Variants in TAFA2 observed in about 807,000 individuals in gnomAD.
The protein encoded by TAFA2 is chemokine-like protein TAFA-2.
In TAFA2, 7 loss-of-function variants were observed where a neutral mutation model predicts 18.8. That is an observed-to-expected ratio of 0.37 (90% confidence interval 0.21 to 0.70). TAFA2 has a LOEUF of 0.70. TAFA2 is among the 30% of genes least tolerant of loss of function. TAFA2 has a pLI of 0.53. For synonymous variants in TAFA2, 60 were observed against 54.2 expected (o/e 1.11, Z -0.47); for missense variants, 122 against 158.1 (o/e 0.77, Z 1.23).
chr12:61,720,838 TGGAG>T, intron 4 of TAFA2: 1 of 495,120 alleles, frequency 2.0e-6, no homozygotes, highest in Admixed American at 2.1e-5. Context: ...TTTTTGAGTG[TGGAG>T]AAATCAAAAA....
At chr12:61,758,976 G>C (rs115910366) in intron 2 of TAFA2, among the ~76,000 whole-genome samples, 318 of 151,986 alleles carry the variant, frequency 2.1e-3, no homozygotes, top group African/African-American at 7.3e-3. Context: ...TGGTGGCTAG[G>C]GCTCTGTTCT....
chr12:62,194,027 C>T (rs1229371704), upstream of TAFA2, among the ~76,000 whole-genome samples: 1 of 152,190 alleles, frequency 6.6e-6, no homozygotes, highest in Non-Finnish European at 1.5e-5. Context: ...ATACAGCAAT[C>T]ATTTGTTTCC....
chr12:61,885,876 G>C (rs1875353407), intron 1 of TAFA2, among the ~76,000 whole-genome samples: 2 of 152,104 alleles, frequency 1.3e-5, no homozygotes, highest in Admixed American at 1.3e-4. Flanking sequence ...GATCCTCCAA[G>C]AAAGATGGAA....
chr12:61,929,657 A>C lies in TAFA2; in HGVS notation c.-1-62231T>G, dbSNP rs1416676444. Among the ~76,000 whole-genome samples the C allele has an allele frequency of 2.6e-5, 4 of 151,784 alleles. No homozygotes were observed. In the East Asian group the frequency reaches 5.9e-4, roughly 22 times the overall value. ...TGACCCAGCCATCCCATTACCGGGT[A>C]TATACCCAAAGGATTATAAATCATG... On this transcript the variant is annotated intron_variant, in intron 1 of 4. Coordinates refer to ENST00000416284, the MANE Select transcript of TAFA2 (RefSeq NM_178539.5).
At chr12:62,203,246 T>C (rs2062679156) in intron 1 of TAFA2, among the ~76,000 whole-genome samples, 1 of 152,252 alleles carries the variant, frequency 6.6e-6, no homozygotes, top group African/African-American at 2.4e-5. Flanking sequence ...TGAGGAGTGT[T>C]TTACTTCCAA....
chr12:62,196,114 A>G (rs535103351), upstream of TAFA2, among the ~76,000 whole-genome samples: 3 of 152,330 alleles, frequency 2.0e-5, no homozygotes, highest in African/African-American at 7.2e-5. Context: ...AATCTCATGA[A>G]CCAACCTCTG....
rs79646599 is a variant in TAFA2 at position 61,785,140 on chromosome 12, T to G, written c.107-30116A>C. Among the ~76,000 whole-genome samples the G allele has an allele frequency of 5.7e-3, 860 of 151,792 alleles. 5 individuals carry two copies. The highest frequency in any genetic ancestry group is 0.02 in the African/African-American group (815 of 41,480). On this transcript the variant is annotated intron_variant, in intron 2 of 4. Coordinates refer to ENST00000416284, the MANE Select transcript of TAFA2 (RefSeq NM_178539.5). Reference sequence around the variant, plus strand: ...CTCCTGCCCTTCCCAGACTCTAGTATTCTCTGTTCTACATGTTACTTCTAT... The same window carrying G: ...CTCCTGCCCTTCCCAGACTCTAGTAGTCTCTGTTCTACATGTTACTTCTAT...
chr12:61,761,799 T>C (rs1184648656), intron 2 of TAFA2, among the ~76,000 whole-genome samples: 2 of 152,074 alleles, frequency 1.3e-5, no homozygotes, highest in Non-Finnish European at 1.5e-5. Context: ...TTATAATGCC[T>C]GATATGGTTT....
rs1285433511 is a variant in TAFA2 at position 62,163,883 on chromosome 12, C to T, written c.-2+27376G>A. Among the ~76,000 whole-genome samples, 3 of 151,908 alleles carry T rather than the reference C, an allele frequency of 2.0e-5. No homozygotes were observed. In the East Asian group the frequency reaches 5.8e-4, roughly 29 times the overall value. On this transcript the variant is annotated intron_variant, in intron 1 of 4. Transcript: ENST00000416284. ...CGTGTAGTATTTCTTTTGAAGGGTA[C>T]ATTAAAAACACAGAGATTGGGAGAT...
intron 1 of TAFA2, among the ~76,000 whole-genome samples, chr12:61,904,190 A>T (rs928385547): frequency 6.6e-6 from 1 of 152,108 alleles, no homozygotes; most frequent in Non-Finnish European, 1.5e-5. Flanking sequence ...TGTTCTAAAA[A>T]ATATAACACA....
chr12:61,896,429 T>C (rs1031225799), intron 1 of TAFA2, among the ~76,000 whole-genome samples: 1 of 152,224 alleles, frequency 6.6e-6, no homozygotes, highest in Non-Finnish European at 1.5e-5. Flanking sequence ...AGGGATTCCA[T>C]AGATTGCATA....
At chr12:61,781,196 C>G (rs1176493931) in intron 2 of TAFA2, among the ~76,000 whole-genome samples, 1 of 151,596 alleles carries the variant, frequency 6.6e-6, no homozygotes, top group African/African-American at 2.4e-5. Flanking sequence ...AGATCCCTTC[C>G]TATTTGGACT....
chr12:61,925,332 G>A (rs1877241466), intron 1 of TAFA2, among the ~76,000 whole-genome samples: 1 of 152,084 alleles, frequency 6.6e-6, no homozygotes, highest in Admixed American at 6.5e-5. Flanking sequence ...CCACATGATT[G>A]GAAGTAAAAC....
At chr12:61,955,632 A>ATAT (rs1434243909) in intron 1 of TAFA2, among the ~76,000 whole-genome samples, 1 of 41,196 alleles carries the variant, frequency 2.4e-5, no homozygotes, top group Non-Finnish European at 3.9e-5. Flanking sequence ...AAAAAAAAAA[A>ATAT]ATATATATAT....
intron 1 of TAFA2, among the ~76,000 whole-genome samples, chr12:62,150,856 C>T (rs1426507662): frequency 6.6e-6 from 1 of 151,560 alleles, no homozygotes; most frequent in East Asian, 1.9e-4. Context: ...TGCTACTGCA[C>T]TTCAGCCTGG....
At chr12:62,224,965 A>G (rs1247547276) in intron 1 of TAFA2, among the ~76,000 whole-genome samples, 1 of 152,112 alleles carries the variant, frequency 6.6e-6, no homozygotes, top group Admixed American at 6.6e-5. Context: ...TTAGTTCCAC[A>G]CGCCTGTAAT....
chr12:62,061,809 TA>T, intron 1 of TAFA2, among the ~76,000 whole-genome samples: 1 of 152,198 alleles, frequency 6.6e-6, no homozygotes, highest in Non-Finnish European at 1.5e-5. Context: ...CAGATCAGAC[TA>T]TTTTTTTACT....
chr12:61,977,660 C>T (rs555376896), intron 1 of TAFA2, among the ~76,000 whole-genome samples: 1 of 152,208 alleles, frequency 6.6e-6, no homozygotes, highest in East Asian at 1.9e-4. Context: ...AAAATTGCCA[C>T]TCTTTTTAAA....
intron 2 of TAFA2, among the ~76,000 whole-genome samples, chr12:61,766,974 T>G (rs1274312696): frequency 6.6e-6 from 1 of 152,116 alleles, no homozygotes; most frequent in African/African-American, 2.4e-5. Flanking sequence ...TGACACAAAC[T>G]GATGGTTTCA....
Sources: allele counts gnomAD v4.1 joint callset (sites outside exome capture counted in the v4.1 genomes callset), GRCh38; gene constraint gnomAD v4.1.1; transcripts MANE v1.5; gene names NCBI Gene and HGNC (gene_info 2026-07-23, HGNC 2026-07-21).